The following PRR15L variants were observed in gnomAD, a reference collection of about 807,000 sequenced individuals.
PRR15L encodes the protein proline-rich protein 15-like protein.
Under a neutral mutation model 3.7 loss-of-function variants are expected in PRR15L, and 1 was observed. The observed-to-expected ratio is 0.27, with a 90% CI of 0.09 to 1.27. PRR15L has a LOEUF of 1.27. Ranked by LOEUF, PRR15L falls within the 50% of genes most tolerant of loss-of-function variation. The pLI is 0.47. For synonymous variants in PRR15L, 57 were observed against 51.9 expected (o/e 1.10, Z -0.42); for missense variants, 127 against 128.7 (o/e 0.99, Z 0.06).
Position 47,955,842 on chromosome 17 carries a change from C to T in PRR15L, c.-30+1815G>A, listed in dbSNP as rs146483276. Among the ~76,000 whole-genome samples the T allele has an allele frequency of 3.3e-5, 5 of 152,326 alleles. No individual in the cohort carries two copies. In the East Asian group the frequency reaches 9.6e-4, roughly 29 times the overall value. On this transcript the variant is annotated intron_variant, in intron 1 of 1. Transcript: ENST00000300557. ...TCTGGAATGAGGCCCACAGCCCCAC[C>T]ACTGCCCATTTGGGGCTGCCAAGGA...
chr17:47,952,583 G>C lies in PRR15L; in HGVS notation c.*340C>G. The stretch of plus-strand genomic sequence containing the variant: ...ACCCTGTGTCCAGTAAGGAGGTGAA[G>C]TCTGTCTGGCTCACTCTCTCCATTC... On this transcript the variant is annotated 3_prime_UTR_variant, in exon 2 of 2. Transcript: ENST00000300557. The C allele has an allele frequency of 4.6e-6, 1 of 219,368 alleles. No individual in the cohort carries two copies. Among genetic ancestry groups the C allele is most frequent in the Non-Finnish European group, 8.8e-6 (1 of 113,952 alleles). 13.6% of individuals were successfully genotyped at this position (219,368 alleles called of 1,614,324 possible).
chr17:47,956,259 T>TC (rs1380815121), intron 1 of PRR15L, among the ~76,000 whole-genome samples: 3 of 152,190 alleles, frequency 2.0e-5, no homozygotes, highest in African/African-American at 7.2e-5. Context: ...GGCCAGGAGT[T>TC]CAAGACCAGC....
chr17:47,953,656 CAAA>C (rs35835097), intron 1 of PRR15L, among the ~76,000 whole-genome samples: 5 of 130,044 alleles, frequency 3.8e-5, no homozygotes, highest in Admixed American at 7.6e-5. Flanking sequence ...GAGACTATCT[CAAA>C]AAAAAAAAAA....
In PRR15L at chr17:47,953,244, T is replaced by C. The variant is rs780603906; in HGVS notation, c.-10A>G. The C allele has an allele frequency of 7.9e-5, 123 of 1,551,262 alleles. No homozygotes were observed. The highest frequency in any genetic ancestry group is 9.9e-5 in the Non-Finnish European group (114 of 1,148,522). ...CAATTTCAGTCGTCATGGCGCTCCC[T>C]AAGCCAAGGATGGGGCTTTCTGCTG... On this transcript the variant is annotated 5_prime_UTR_variant, in exon 2 of 2. Coordinates refer to ENST00000300557, the MANE Select transcript of PRR15L (RefSeq NM_024320.4).
In PRR15L at chr17:47,952,626, C is replaced by A; in HGVS notation, c.*297G>T. 1 of 313,506 alleles carries A rather than the reference C, an allele frequency of 3.2e-6. No homozygotes were observed. The highest frequency in any genetic ancestry group is 7.0e-5 in the South Asian group (1 of 14,228). 19.4% of individuals were successfully genotyped at this position (313,506 alleles called of 1,614,324 possible). ...CTCCATTCCCTGCCATGCCCACCTC[C>A]CTGCTGGCCCTGCCATTGCTTCAAG... On this transcript the variant is annotated 3_prime_UTR_variant, in exon 2 of 2. Coordinates refer to ENST00000300557, the MANE Select transcript of PRR15L (RefSeq NM_024320.4).
At position 47,953,228 on chromosome 17, in the gene PRR15L, T is replaced by C. The variant is rs1567716956; in HGVS notation, c.7A>G (p.Thr3Ala). The change falls in exon 2 of 2, where the codon ACT becomes GCT. Residue 3 changes from threonine (T) to alanine (A), a missense_variant. Thr to Ala is a moderately conservative substitution (Grantham distance 58, BLOSUM62 0). Transcript: ENST00000300557. ...GTCAGCTTCCACCAACCAATTTCAG[T>C]CGTCATGGCGCTCCCTAAGCCAAGG... MT[T>A]EIGWWKLTFL... is the part of the protein sequence containing the mutation. 6.4e-7 allele frequency: 1 copy of C among 1,572,362 alleles called. No homozygotes were observed. The highest frequency in any genetic ancestry group is 1.8e-5 in the Admixed American group (1 of 56,686).
In PRR15L at chr17:47,953,273, C is replaced by G. The variant is rs2036091686; in HGVS notation, c.-29-10G>C. ...CCAAGGATGGGGCTTTCTGCTGGAG[C>G]AGGGTGGGGGAGACAAAGGGGTCAG... On this transcript the variant is annotated splice_polypyrimidine_tract_variant and intron_variant, in intron 1 of 1. Coordinates refer to ENST00000300557, the MANE Select transcript of PRR15L (RefSeq NM_024320.4). 2.0e-6 allele frequency: 3 copies of G among 1,493,894 alleles called. No homozygotes were observed. Among genetic ancestry groups the G allele is most frequent in the African/African-American group, 2.8e-5 (2 of 70,514 alleles). 92.5% of individuals were successfully genotyped at this position (1,493,894 alleles called of 1,614,324 possible).
rs572611419 is a variant in PRR15L at position 47,957,857 on chromosome 17, C to G, written c.-230G>C. On this transcript the variant is annotated 5_prime_UTR_variant, in exon 1 of 2. Coordinates refer to ENST00000300557, the MANE Select transcript of PRR15L (RefSeq NM_024320.4). ...AAACAGGTGCAAGAGCTGTTACCTG[C>G]TCTGCTGCAGCTCCTGGAGTCAAGG... 3.4e-4 allele frequency: 52 copies of G among 152,380 alleles called. No individual in the cohort carries two copies. The highest frequency in any genetic ancestry group is 1.2e-3 in the African/African-American group (50 of 41,574). The allele number at this position is 152,380 out of a possible 1,614,324, so 9.4% of individuals were successfully genotyped here. A position where few individuals can be genotyped will look rare whatever the true frequency, so the allele number is the denominator to read the frequency against.
At chr17:47,953,324 G>A in intron 1 of PRR15L, 61 bp from the exon 2 acceptor site, 3 of 1,057,940 alleles carry the variant, frequency 2.8e-6, no homozygotes, top group Non-Finnish European at 4.1e-6. Flanking sequence ...GGTGCCTTTG[G>A]ACCAGCTTGC....
rs1298315567 is a variant in PRR15L, at chr17:47,952,742, C to G, written c.*181G>C. 3.3e-6 allele frequency: 2 copies of G among 605,970 alleles called. No homozygotes were observed. The highest frequency in any genetic ancestry group is 3.0e-5 in the Admixed American group (1 of 33,158). The allele number at this position is 605,970 out of a possible 1,614,324, so 37.5% of individuals were successfully genotyped here. ...GGGAGGGTGGAGGACCCTGGGATCT[C>G]CCAGGCCTTACAAAAGTGGCGGCAC... On this transcript the variant is annotated 3_prime_UTR_variant, in exon 2 of 2. Transcript: ENST00000300557.
intron 1 of PRR15L, among the ~76,000 whole-genome samples, chr17:47,954,623 G>A (rs572950023): frequency 1.2e-4 from 19 of 152,322 alleles, no homozygotes; most frequent in Middle Eastern, 3.4e-3. Context: ...ATGAGCTAGC[G>A]GAACTTCTCG....
In PRR15L at chr17:47,952,811, T is replaced by C; in HGVS notation, c.*112A>G. Reference sequence around the variant, plus strand: ...AACAGCCATTTCCTGCCAGCAGGTATCAACTGGCCCCACAGCTTCAGCTAT... The same window carrying C: ...AACAGCCATTTCCTGCCAGCAGGTACCAACTGGCCCCACAGCTTCAGCTAT... On this transcript the variant is annotated 3_prime_UTR_variant, in exon 2 of 2. Transcript: ENST00000300557. 2 of 1,092,096 alleles carry C rather than the reference T, an allele frequency of 1.8e-6. No individual in the cohort carries two copies. Among genetic ancestry groups the C allele is most frequent in the Non-Finnish European group, 2.6e-6 (2 of 775,328 alleles). The allele number at this position is 1,092,096 out of a possible 1,614,324, so 67.7% of individuals were successfully genotyped here. A position where few individuals can be genotyped will look rare whatever the true frequency, so the allele number is the denominator to read the frequency against.
At chr17:47,956,488 C>A (rs4793732) in intron 1 of PRR15L, among the ~76,000 whole-genome samples, 41,443 of 151,606 alleles carry the variant, frequency 0.27, 6,016 homozygotes, top group South Asian at 0.37. Context: ...ACAACAACAA[C>A]AAAAAAAGAG....
At chr17:47,953,297 A>G in intron 1 of PRR15L, 34 bp from the exon 2 acceptor site, 1 of 1,318,150 alleles carries the variant, frequency 7.6e-7, no homozygotes, top group South Asian at 1.4e-5. Context: ...CAAAGGGGTC[A>G]GTGGGAAAAG....
chr17:47,954,559 T>C (rs1030569040), intron 1 of PRR15L, among the ~76,000 whole-genome samples: 1 of 152,144 alleles, frequency 6.6e-6, no homozygotes, highest in Non-Finnish European at 1.5e-5. Flanking sequence ...TGTCCTGCCA[T>C]GGAGCTGCCT....
At chr17:47,955,415 G>T (rs1430130254) in intron 1 of PRR15L, among the ~76,000 whole-genome samples, 1 of 152,056 alleles carries the variant, frequency 6.6e-6, no homozygotes, top group African/African-American at 2.4e-5. Context: ...CATACCCCTC[G>T]TGCTCTGGTC....
At position 47,952,864 on chromosome 17, in the gene PRR15L, C is replaced by T. The variant is rs2036082662; in HGVS notation, c.*59G>A. The T allele has an allele frequency of 2.0e-6, 3 of 1,524,652 alleles. No individual in the cohort carries two copies. In the South Asian group the frequency reaches 3.7e-5, roughly 19 times the overall value. The allele number at this position is 1,524,652 out of a possible 1,614,324, so 94.4% of individuals were successfully genotyped here. A position where few individuals can be genotyped will look rare whatever the true frequency, so the allele number is the denominator to read the frequency against. ...CCAAAGAGGCCAGCGTGGCAAGGTC[C>T]TGTCTCAGATCTGGCTGATGGCAGG... On this transcript the variant is annotated 3_prime_UTR_variant, in exon 2 of 2. Coordinates refer to ENST00000300557, the MANE Select transcript of PRR15L (RefSeq NM_024320.4).
At chr17:47,956,738 A>C (rs2036132677) in intron 1 of PRR15L, among the ~76,000 whole-genome samples, 1 of 152,260 alleles carries the variant, frequency 6.6e-6, no homozygotes, top group Admixed American at 6.5e-5. Context: ...AAAAAAGGTG[A>C]TGTGATATCC....
At chr17:47,956,796 G>A (rs1003177220) in intron 1 of PRR15L, among the ~76,000 whole-genome samples, 7 of 152,236 alleles carry the variant, frequency 4.6e-5, no homozygotes, top group Non-Finnish European at 1.0e-4. Flanking sequence ...ATCTACAACC[G>A]CCTGCCTGTG....
Sources: allele counts gnomAD v4.1 joint callset (sites outside exome capture counted in the v4.1 genomes callset), GRCh38; gene constraint gnomAD v4.1.1; transcripts MANE v1.5; gene names NCBI Gene and HGNC (gene_info 2026-07-23, HGNC 2026-07-21).